SLC12A8: variants seen among roughly 807,000 people sequenced by gnomAD.
SLC12A8 encodes the protein cation-chloride cotransporter 9.
In SLC12A8, 69 loss-of-function variants were observed where a neutral mutation model predicts 75.6. That is an observed-to-expected ratio of 0.91 (90% CI 0.75 to 1.11). The LOEUF is 1.11. SLC12A8 is among the 50% of genes most tolerant of loss of function. SLC12A8 has a pLI of 0.00. For missense variants in SLC12A8, 877 were observed against 896.7 expected (o/e 0.98, Z 0.28); for synonymous variants, 365 against 372.8 (o/e 0.98, Z 0.24).
chr3:125,138,584 G>A (rs181141814), intron 5 of SLC12A8, among the ~76,000 whole-genome samples: 5 of 151,922 alleles, frequency 3.3e-5, no homozygotes, highest in East Asian at 1.9e-4. Context: ...TACAAAAAAA[G>A]GTGTATTAAT....
At chr3:125,091,125 A>T (rs1938568966) in intron 12 of SLC12A8, among the ~76,000 whole-genome samples, 1 of 152,216 alleles carries the variant, frequency 6.6e-6, no homozygotes, top group Non-Finnish European at 1.5e-5. Context: ...ACAATCCGCC[A>T]TCAAGTGATG....
intron 2 of SLC12A8, among the ~76,000 whole-genome samples, chr3:125,193,094 C>A (rs1227450853): frequency 6.6e-6 from 1 of 152,202 alleles, no homozygotes; most frequent in Non-Finnish European, 1.5e-5. Context: ...TGGGGCTGGG[C>A]GCAGTGGCTC....
chr3:125,204,801 T>G (rs1935195365), intron 2 of SLC12A8, among the ~76,000 whole-genome samples: 1 of 152,220 alleles, frequency 6.6e-6, no homozygotes, highest in Non-Finnish European at 1.5e-5. Flanking sequence ...ATTTGATCAT[T>G]ACACATTGTA....
At chr3:125,196,025 A>G (rs1935003918) in intron 2 of SLC12A8, among the ~76,000 whole-genome samples, 1 of 152,194 alleles carries the variant, frequency 6.6e-6, no homozygotes, top group South Asian at 2.1e-4. Context: ...CAGCTGCAAA[A>G]AGGTTATCAT....
chr3:125,103,518 A>G (rs1311881554), intron 10 of SLC12A8, among the ~76,000 whole-genome samples: 1 of 151,046 alleles, frequency 6.6e-6, no homozygotes, highest in Non-Finnish European at 1.5e-5. Context: ...AGGCTGGAGT[A>G]CAGTGGCGTG....
intron 5 of SLC12A8, among the ~76,000 whole-genome samples, chr3:125,172,778 A>C (rs538110240): frequency 2.0e-5 from 3 of 152,362 alleles, no homozygotes; most frequent in South Asian, 2.1e-4. Context: ...TTTTTACATT[A>C]TACATTTCAG....
At chr3:125,175,905 T>C (rs1160720715) in intron 5 of SLC12A8, among the ~76,000 whole-genome samples, 1 of 152,130 alleles carries the variant, frequency 6.6e-6, no homozygotes, top group South Asian at 2.1e-4. Context: ...AGGTGCCGGA[T>C]CGTTGGGGCA....
chr3:125,206,939 C>G (rs1334199020), intron 2 of SLC12A8: 1 of 152,276 alleles, frequency 6.6e-6, no homozygotes, highest in Non-Finnish European at 1.5e-5. Context: ...AAACCACCCC[C>G]AGGATGGAAT....
intron 2 of SLC12A8, among the ~76,000 whole-genome samples, chr3:125,199,681 G>C (rs1935083171): frequency 6.6e-6 from 1 of 151,922 alleles, no homozygotes; most frequent in South Asian, 2.1e-4. Flanking sequence ...AGGAGTTCGA[G>C]GCTACAATGA....
rs922081519 is a variant in SLC12A8 at position 125,110,176 on chromosome 3, G to C, written c.1059+13C>G. 6 of 1,601,362 alleles carry C rather than the reference G, an allele frequency of 3.7e-6. No homozygotes were observed. In the African/African-American group the frequency reaches 6.7e-5, roughly 18 times the overall value. ...TGTTTCAAAAAACAAACCAAAAAAA[G>C]AGGATTACTCACCCCTTGTCCCAGA... On this transcript the variant is annotated intron_variant, in intron 9 of 13. Transcript: ENST00000469902.
At chr3:125,106,969 C>T (rs1247572455) in intron 10 of SLC12A8, among the ~76,000 whole-genome samples, 1 of 152,200 alleles carries the variant, frequency 6.6e-6, no homozygotes, top group Non-Finnish European at 1.5e-5. Context: ...CAGAATTTCT[C>T]ATGCTCTATA....
chr3:125,114,528 G>A (rs1712464), intron 8 of SLC12A8, among the ~76,000 whole-genome samples: 51,208 of 152,012 alleles, frequency 0.34, 9,288 homozygotes, highest in East Asian at 0.71. Context: ...GGGTTCTAGC[G>A]ATTCTCTTGC....
At chr3:125,110,392 C>G in intron 8 of SLC12A8, 57 bp from the exon 9 acceptor site, 7 of 1,551,404 alleles carry the variant, frequency 4.5e-6, no homozygotes, top group Admixed American at 1.8e-5. Context: ...TGCCTTTCTA[C>G]CCCCCCAGCA....
intron 8 of SLC12A8, among the ~76,000 whole-genome samples, chr3:125,115,661 C>G (rs1939292151): frequency 6.6e-6 from 1 of 151,998 alleles, no homozygotes; most frequent in African/African-American, 2.4e-5. Context: ...AGCTGCAGAT[C>G]AGTAGAAAGG....
chr3:125,208,951 C>A (rs970068183), intron 2 of SLC12A8, among the ~76,000 whole-genome samples: 1 of 152,158 alleles, frequency 6.6e-6, no homozygotes, highest in Non-Finnish European at 1.5e-5. Flanking sequence ...TCACCGTGAC[C>A]AAGAGAAGAG....
At chr3:125,188,574 C>T (rs999329179) in intron 3 of SLC12A8, among the ~76,000 whole-genome samples, 1 of 152,160 alleles carries the variant, frequency 6.6e-6, no homozygotes, top group Admixed American at 6.5e-5. Flanking sequence ...AAGCAAGAGT[C>T]GCAGAGAGGC....
At chr3:125,146,732 A>T (rs777741971) in intron 5 of SLC12A8, among the ~76,000 whole-genome samples, 5 of 152,198 alleles carry the variant, frequency 3.3e-5, no homozygotes, top group Non-Finnish European at 7.4e-5. Context: ...TCCACCTCCC[A>T]TGGCTCAAGT....
intron 2 of SLC12A8, among the ~76,000 whole-genome samples, chr3:125,196,287 G>A (rs1935007460): frequency 6.6e-6 from 1 of 152,316 alleles, no homozygotes; most frequent in South Asian, 2.1e-4. Context: ...ACTAACCAGA[G>A]TAACTTATGA....
At chr3:125,179,309 C>A (rs533787273) in intron 4 of SLC12A8, among the ~76,000 whole-genome samples, 1 of 152,200 alleles carries the variant, frequency 6.6e-6, no homozygotes, top group East Asian at 1.9e-4. Flanking sequence ...CACCCCACCA[C>A]CAAGAATGCA....
Sources: gnomAD v4.1 joint callset for allele counts (sites outside exome capture counted in the v4.1 genomes callset) on GRCh38, gnomAD v4.1.1 for gene constraint, MANE v1.5 for transcripts, NCBI Gene and HGNC (gene_info 2026-07-23, HGNC 2026-07-21) for gene names.